PLEC: variants seen among roughly 807,000 people sequenced by gnomAD.
The protein encoded by PLEC is hemidesmosomal protein 1.
In PLEC, 216 loss-of-function variants were observed where a neutral mutation model predicts 392.8. The ratio of observed to expected loss-of-function variants is 0.55; its 90% CI spans 0.49 to 0.62. PLEC has a LOEUF of 0.62. Among genes scored for constraint, PLEC ranks in the 20% least tolerant of loss-of-function variants. PLEC has a pLI of 0.00. For synonymous variants in PLEC, 3,621 were observed against 2,980.6 expected, an observed-to-expected ratio of 1.21 and a Z score of -7.00; for missense variants, 6,863 against 6,563.4, an observed-to-expected ratio of 1.05 and a Z score of -1.58.
chr8:143,920,715 GC>G lies in PLEC; in HGVS notation c.9105del (p.Gln3036ArgfsTer3). On this transcript the variant is annotated frameshift_variant, in exon 32 of 32. Transcript: ENST00000345136. LOFTEE classifies it high-confidence loss of function. ...VIAGVWLEEA[G>X]QKLSIYNALK... Reference sequence around the variant, plus strand: ...AGGGCATTGTAGATACTCAGCTTCTGCCCCGCCTCCTCCAGCCATACACCCG... The same window carrying G: ...AGGGCATTGTAGATACTCAGCTTCTGCCCGCCTCCTCCAGCCATACACCCG... 1 of 1,602,968 alleles carries G rather than the reference GC, an allele frequency of 6.2e-7. No homozygotes were observed.
At position 143,919,097 on chromosome 8, in the gene PLEC, G is replaced by A; in HGVS notation, c.10724C>T (p.Pro3575Leu). Reference protein sequence around the residue: ...RAFEETQIDIPGGGSHGGSTM... With the variant: ...RAFEETQIDILGGGSHGGSTM... ...GGAGCCGCCGTGGCTGCCGCCGCCGGGAATGTCGATCTGTGTCTCTTCAAA... is the reference window on the plus strand; with the variant it reads ...GGAGCCGCCGTGGCTGCCGCCGCCGAGAATGTCGATCTGTGTCTCTTCAAA... Residue 3575 changes from proline (P) to leucine (L), a missense_variant, in exon 32 of 32, where the codon CCC becomes CTC. Physicochemically the swap from Pro to Leu is moderately conservative, Grantham distance 98 (BLOSUM62 -3). Transcript: ENST00000345136. 1.2e-6 allele frequency: 2 copies of A among 1,612,190 alleles called. No homozygotes were observed. Among genetic ancestry groups the A allele is most frequent in the East Asian group, 2.2e-5 (1 of 44,874 alleles).
rs565742173 is a variant in PLEC at position 143,929,858 on chromosome 8, G to A, written c.2740-29C>T. 636 of 1,599,972 alleles carry A rather than the reference G, an allele frequency of 4.0e-4. 6 individuals are homozygous for A. Among genetic ancestry groups the A allele is most frequent in the South Asian group, 2.1e-3 (195 of 90,852 alleles). ...GGGGAAGCACGTGGGGCTGAGTGCC[G>A]GGCGAGGCGGCCGTGCCCTGCACAA... On this transcript the variant is annotated intron_variant, in intron 22 of 31. Transcript: ENST00000345136.
At chr8:143,937,935 CG>C (rs1829485942) in intron 3 of PLEC, among the ~76,000 whole-genome samples, 1 of 152,106 alleles carries the variant, frequency 6.6e-6, no homozygotes, top group Non-Finnish European at 1.5e-5. Context: ...CCGAGGGTTG[CG>C]GCCACTCCCA....
At chr8:143,940,772 A>G (rs1213276393), upstream of PLEC, among the ~76,000 whole-genome samples, 1 of 152,150 alleles carries the variant, frequency 6.6e-6, no homozygotes, top group Admixed American at 6.5e-5. Context: ...CAGAACCCTC[A>G]CAATGGGGGG....
chr8:143,921,879 C>T lies in PLEC; in HGVS notation c.7942G>A (p.Gly2648Ser). The T allele has an allele frequency of 6.2e-7, 1 of 1,601,618 alleles. No individual in the cohort carries two copies. The highest frequency in any genetic ancestry group is 1.7e-5 in the Admixed American group (1 of 59,992). ...AEAEPEHSFDGLRRKVSAQRL... is the reference protein window; with the variant it reads ...AEAEPEHSFDSLRRKVSAQRL... ...TGAGCTGACACCTTCCGCCGCAGGCCATCGAAGCTGTGCTCCGGCTCTGCC... is the reference window on the plus strand; with the variant it reads ...TGAGCTGACACCTTCCGCCGCAGGCTATCGAAGCTGTGCTCCGGCTCTGCC... Residue 2648 changes from glycine to serine, a missense_variant, in exon 32 of 32, where the codon GGC (glycine) becomes AGC (serine). Gly to Ser is a moderately conservative substitution (Grantham distance 56). Transcript: ENST00000345136.
At chr8:143,966,058 C>G (rs1167068711) in intron 1 of PLEC, among the ~76,000 whole-genome samples, 5 of 152,124 alleles carry the variant, frequency 3.3e-5, no homozygotes, top group Admixed American at 2.0e-4. Flanking sequence ...TTCCCACATG[C>G]CCCCTGGCAC....
chr8:143,924,894 C>T lies in PLEC; in HGVS notation c.5035G>A (p.Ala1679Thr), dbSNP rs1034420276. The change falls in exon 31 of 32, where the codon GCG (alanine) becomes ACG (threonine). Residue 1679 changes from alanine to threonine, a missense_variant. By Grantham distance (58) the Ala-to-Thr change is moderately conservative. Transcript: ENST00000345136. ...AEREARRRGK[A>T]EEQAVRQREL... is the part of the protein sequence containing the mutation. Reference sequence around the variant, plus strand: ...CGCTGCCGGACGGCCTGCTCCTCCGCCTTGCCGCGCCGCCGCGCCTCGCGC... The same window carrying T: ...CGCTGCCGGACGGCCTGCTCCTCCGTCTTGCCGCGCCGCCGCGCCTCGCGC... 3 of 1,589,218 alleles carry T rather than the reference C, an allele frequency of 1.9e-6. No individual in the cohort carries two copies. Among genetic ancestry groups the T allele is most frequent in the Middle Eastern group, 1.7e-4 (1 of 6,014 alleles).
At chr8:143,967,261 C>G (rs1043834707) in intron 1 of PLEC, among the ~76,000 whole-genome samples, 1 of 149,404 alleles carries the variant, frequency 6.7e-6, no homozygotes, top group Non-Finnish European at 1.5e-5. Flanking sequence ...TACTCGGGAG[C>G]CTGAGGCAGG....
chr8:143,952,026 C>T (rs187822142), upstream of PLEC, among the ~76,000 whole-genome samples: 329 of 152,330 alleles, frequency 2.2e-3, 2 homozygotes, highest in South Asian at 0.025. Context: ...CCGGCAAACC[C>T]GGGAACTGAT....
chr8:143,936,732 G>C (rs1263881911), intron 5 of PLEC, among the ~76,000 whole-genome samples: 1 of 152,164 alleles, frequency 6.6e-6, no homozygotes, highest in Non-Finnish European at 1.5e-5. Context: ...GGAGGCTCTG[G>C]GCCCTGCCCA....
intron 6 of PLEC, among the ~76,000 whole-genome samples, 180 bp from the exon 7 acceptor site, chr8:143,935,493 G>A (rs1828799343): frequency 6.6e-6 from 1 of 152,162 alleles, no homozygotes; most frequent in Non-Finnish European, 1.5e-5. Context: ...CCCACACCCA[G>A]AAGCCCAGGG....
chr8:143,926,758 CCCAGCCT>C lies in PLEC; in HGVS notation c.4044+19_4044+25del. On this transcript the variant is annotated intron_variant, in intron 30 of 31. Transcript: ENST00000345136. ...ACAGGTGGTGAGATGGAACCCTCTG[CCCAGCCT>C]CCGCCCAACGGGCTGTACCTCCTCC... 1.9e-6 allele frequency: 3 copies of C among 1,587,582 alleles called. No individual in the cohort carries two copies. The highest frequency in any genetic ancestry group is 2.6e-6 in the Non-Finnish European group (3 of 1,156,580).
intron 3 of PLEC, 56 bp downstream of exon 3, chr8:143,938,095 G>T: frequency 1.5e-6 from 2 of 1,303,060 alleles, no homozygotes; most frequent in Non-Finnish European, 2.2e-6. Context: ...AGGGAAGGCA[G>T]GCAGAGGTCT....
Position 143,923,172 on chromosome 8 carries a change from C to T in PLEC, c.6757G>A (p.Ala2253Thr), listed in dbSNP as rs62641756. 8.2e-4 allele frequency: 1,315 copies of T among 1,602,544 alleles called. 10 individuals carry two copies. In the African/African-American group the frequency reaches 0.012, roughly 14 times the overall value. ...LKARIEAENR[A>T]LILRDKDNTQ... ...TTGTCCTTGTCACGCAAGATGAGTGCGCGGTTCTCAGCCTCGATGCGTGCC... is the reference window on the plus strand; with the variant it reads ...TTGTCCTTGTCACGCAAGATGAGTGTGCGGTTCTCAGCCTCGATGCGTGCC... Residue 2253 changes from alanine to threonine, a missense_variant, in exon 31 of 32, where the codon GCA (alanine) becomes ACA (threonine). Physicochemically the swap from Ala to Thr is moderately conservative, Grantham distance 58. Transcript: ENST00000345136.
In PLEC at chr8:143,918,457, C is replaced by A. The variant is rs782618512; in HGVS notation, c.11364G>T (p.Lys3788Asn). 6.3e-7 allele frequency: 1 copy of A among 1,590,296 alleles called. No individual in the cohort carries two copies. Among genetic ancestry groups the A allele is most frequent in the Non-Finnish European group, 8.5e-7 (1 of 1,170,186 alleles). Residue 3788 changes from lysine (K) to asparagine (N), a missense_variant, in exon 32 of 32, where the codon AAG becomes AAT. Physicochemically the swap from Lys to Asn is moderately conservative, Grantham distance 94 (BLOSUM62 0). Coordinates refer to ENST00000345136, the MANE Select transcript of PLEC (RefSeq NM_201384.3). ...GGGCCTCCTCAGTAGGGATCAGCTC[C>A]TTCTTCATGGCCTGGAAGAGCGAGA... is the stretch of plus-strand genomic sequence containing the variant. ...QTISLFQAMK[K>N]ELIPTEEALR... is the part of the protein sequence containing the mutation.
chr8:143,926,584 C>T (rs1431198339), intron 30 of PLEC, among the ~76,000 whole-genome samples, 200 bp downstream of exon 30: 2 of 152,192 alleles, frequency 1.3e-5, no homozygotes, highest in East Asian at 3.9e-4. Context: ...AGCAGTGTAG[C>T]CACACCAGGC....
intron 1 of PLEC, among the ~76,000 whole-genome samples, chr8:143,970,394 G>A (rs1253574569): frequency 1.3e-5 from 2 of 152,122 alleles, no homozygotes; most frequent in African/African-American, 4.8e-5. Context: ...CGATCGCTGT[G>A]CATGAGAGAG....
chr8:143,934,858 C>T lies in PLEC; in HGVS notation c.897G>A (p.Thr299=), dbSNP rs377035835. 270 of 1,611,352 alleles carry T rather than the reference C, an allele frequency of 1.7e-4. No homozygotes were observed. Among genetic ancestry groups the T allele is most frequent in the Non-Finnish European group, 2.2e-4 (254 of 1,179,780 alleles). Reference sequence around the variant, plus strand: ...GGAACCTGCGTTCCTCAAAGGCGGCCGTGTGGTGTCGCATCCACTGAAGCA... The same window carrying T: ...GGAACCTGCGTTCCTCAAAGGCGGCTGTGTGGTGTCGCATCCACTGAAGCA... ...LLLLQWMRHH[T]AAFEERRFPS... Residue 299 remains threonine, a synonymous_variant, in exon 9 of 32, where the codon ACG becomes ACA. Coordinates refer to ENST00000345136, the MANE Select transcript of PLEC (RefSeq NM_201384.3).
intron 1 of PLEC, among the ~76,000 whole-genome samples, chr8:143,961,288 C>T (rs1422646657): frequency 6.6e-6 from 1 of 151,514 alleles, no homozygotes; most frequent in Non-Finnish European, 1.5e-5. Context: ...TGCAATGGCG[C>T]GATCTCAGCT....
Sources: gnomAD v4.1 joint callset for allele counts (sites outside exome capture counted in the v4.1 genomes callset) on GRCh38, gnomAD v4.1.1 for gene constraint, MANE v1.5 for transcripts, NCBI Gene and HGNC (gene_info 2026-07-23, HGNC 2026-07-21) for gene names.